ENTPD1: variants seen among roughly 807,000 people sequenced by gnomAD.
The protein encoded by ENTPD1 is ectonucleoside triphosphate diphosphohydrolase 1.
A neutral mutation model predicts 57.0 loss-of-function variants in ENTPD1; 33 were observed. That is an observed-to-expected ratio of 0.58 (90% CI 0.44 to 0.77). ENTPD1 has a LOEUF of 0.77. ENTPD1 is among the 30% of genes least tolerant of loss of function. The pLI is 0.00. For missense variants in ENTPD1, 501 were observed against 603.4 expected, an observed-to-expected ratio of 0.83 and a Z score of 1.78; for synonymous variants, 202 against 218.8, an observed-to-expected ratio of 0.92 and a Z score of 0.68.
In ENTPD1 at chr10:95,872,632, A is replaced by G. The variant is rs1204891016; in HGVS notation, c.*6249A>G. ...TGGGTGAAGCTTCCTGGTGAAAAAT[A>G]TGTTACCTATTTCTTTCTGAAAAGT... On this transcript the variant is annotated 3_prime_UTR_variant, in exon 10 of 10. Transcript: ENST00000371205. 5.1e-6 allele frequency: 5 copies of G among 985,026 alleles called. No individual in the cohort carries two copies. Among genetic ancestry groups the G allele is most frequent in the African/African-American group, 1.8e-5 (1 of 57,116 alleles). The allele number at this position is 985,026 out of a possible 1,614,324, so 61.0% of individuals were successfully genotyped here. A position where few individuals can be genotyped will look rare whatever the true frequency, so the allele number is the denominator to read the frequency against.
chr10:95,859,397 A>G (rs1033564382), intron 7 of ENTPD1, among the ~76,000 whole-genome samples: 1 of 152,208 alleles, frequency 6.6e-6, no homozygotes, highest in Non-Finnish European at 1.5e-5. Context: ...ACTTCTAGTT[A>G]AGTAATTTTA....
At position 95,876,455 on chromosome 10, in the gene ENTPD1, A is replaced by C. The variant is rs185010431; in HGVS notation, c.*10072A>C. ...CAATCTATAGGCATACCATAATTGT[A>C]ATCAATAGCTTAAAAATATGTCTCT... On this transcript the variant is annotated 3_prime_UTR_variant, in exon 10 of 10. Coordinates refer to ENST00000371205, the MANE Select transcript of ENTPD1 (RefSeq NM_001776.6). 8.1e-7 allele frequency: 1 copy of C among 1,231,430 alleles called. No homozygotes were observed. Among genetic ancestry groups the C allele is most frequent in the African/African-American group, 1.5e-5 (1 of 64,522 alleles). The allele number at this position is 1,231,430 out of a possible 1,614,324, so 76.3% of individuals were successfully genotyped here. A position where few individuals can be genotyped will look rare whatever the true frequency, so the allele number is the denominator to read the frequency against.
chr10:95,696,594 G>T, the ENTPD1 span, among the ~76,000 whole-genome samples: 5 of 152,242 alleles, frequency 3.3e-5, no homozygotes, highest in East Asian at 9.7e-4. Flanking sequence ...TTGCTGTTTT[G>T]TATTTGTAAG....
chr10:95,766,052 G>T (rs976008264), intron 1 of ENTPD1, among the ~76,000 whole-genome samples: 1 of 151,932 alleles, frequency 6.6e-6, no homozygotes, highest in Non-Finnish European at 1.5e-5. Context: ...CAAAATTACA[G>T]AAAAGTTACA....
chr10:95,780,751 G>A (rs1485445222), intron 1 of ENTPD1, among the ~76,000 whole-genome samples: 1 of 152,188 alleles, frequency 6.6e-6, no homozygotes, highest in African/African-American at 2.4e-5. Flanking sequence ...TCCAGCTGTA[G>A]GGGCATCAGG....
chr10:95,696,681 A>G, the ENTPD1 span, among the ~76,000 whole-genome samples: 4 of 152,252 alleles, frequency 2.6e-5, no homozygotes, highest in Non-Finnish European at 5.9e-5. Context: ...TGGATGAAGA[A>G]TGAAATTTAT....
chr10:95,755,642 G>T, upstream of ENTPD1: 1 of 1,520,686 alleles, frequency 6.6e-7, no homozygotes, highest in Non-Finnish European at 8.8e-7. Flanking sequence ...GAAACTCATC[G>T]CTTGGGTCAC....
chr10:95,810,653 C>T (rs952647976), intron 1 of ENTPD1, among the ~76,000 whole-genome samples: 2 of 152,206 alleles, frequency 1.3e-5, no homozygotes, highest in Admixed American at 6.5e-5. Flanking sequence ...CAGTAGGACA[C>T]GACTTTCTGA....
intron 1 of ENTPD1, among the ~76,000 whole-genome samples, chr10:95,790,184 T>C (rs563589387): frequency 4.4e-4 from 67 of 152,364 alleles, no homozygotes; most frequent in Admixed American, 1.8e-3. Flanking sequence ...ATTCATCTCA[T>C]AGATGGGGAT....
chr10:95,701,000 G>A, the ENTPD1 span, among the ~76,000 whole-genome samples: 2 of 152,096 alleles, frequency 1.3e-5, no homozygotes, highest in African/African-American at 2.4e-5. Context: ...TGCCATGTTG[G>A]CCAGGCTGGT....
intron 1 of ENTPD1, among the ~76,000 whole-genome samples, chr10:95,783,037 G>T (rs1037121879): frequency 1.3e-5 from 2 of 151,806 alleles, no homozygotes; most frequent in East Asian, 1.9e-4. Context: ...GTGTGTGTTT[G>T]TGTGTGTGTG....
At chr10:95,738,946 C>A (rs796919619) in intron 1 of ENTPD1, among the ~76,000 whole-genome samples, 1 of 152,062 alleles carries the variant, frequency 6.6e-6, no homozygotes, top group Non-Finnish European at 1.5e-5. Flanking sequence ...CAGTTCCAGA[C>A]CACCACAATA....
At chr10:95,800,468 G>T (rs2098244531) in intron 1 of ENTPD1, among the ~76,000 whole-genome samples, 1 of 152,146 alleles carries the variant, frequency 6.6e-6, no homozygotes, top group East Asian at 1.9e-4. Flanking sequence ...ACAGGAAACA[G>T]GGTTTGAGAG....
chr10:95,863,176 AC>A (rs2098468233), intron 8 of ENTPD1, among the ~76,000 whole-genome samples: 1 of 152,218 alleles, frequency 6.6e-6, no homozygotes, highest in African/African-American at 2.4e-5. Flanking sequence ...TAGCCAATGT[AC>A]AGATTTCCAG....
intron 1 of ENTPD1, among the ~76,000 whole-genome samples, chr10:95,799,306 C>T (rs1046265462): frequency 6.6e-5 from 10 of 152,186 alleles, no homozygotes; most frequent in African/African-American, 2.2e-4. Flanking sequence ...ACCTTCCACC[C>T]TCCAATAGGC....
upstream of ENTPD1, among the ~76,000 whole-genome samples, chr10:95,751,804 G>C (rs144221281): frequency 6.6e-6 from 1 of 151,998 alleles, no homozygotes; most frequent in Non-Finnish European, 1.5e-5. Flanking sequence ...TGCTAAGTTT[G>C]AGCTGCTTGT....
At chr10:95,784,595 A>G (rs970877660) in intron 1 of ENTPD1, among the ~76,000 whole-genome samples, 2 of 152,192 alleles carry the variant, frequency 1.3e-5, no homozygotes, top group Non-Finnish European at 2.9e-5. Context: ...GGCTTTCTGC[A>G]TGCCCACTGC....
Position 95,867,754 on chromosome 10 carries a change from C to A in ENTPD1, c.*1371C>A. On this transcript the variant is annotated 3_prime_UTR_variant, in exon 10 of 10. Transcript: ENST00000371205. ...TGTTTCATTCTGACCTTGTCCCAAG[C>A]TCTCCATCTCTAGATCTGGGGACTG... The A allele has an allele frequency of 1.0e-6, 1 of 985,454 alleles. No homozygotes were observed. Among genetic ancestry groups the A allele is most frequent in the Non-Finnish European group, 1.2e-6 (1 of 829,938 alleles). 61.0% of individuals were successfully genotyped at this position (985,454 alleles called of 1,614,324 possible).
At position 95,865,232 on chromosome 10, in the gene ENTPD1, A is replaced by G. The variant is rs535345455; in HGVS notation, c.1326+371A>G. Among the ~76,000 whole-genome samples the G allele has an allele frequency of 7.9e-5, 12 of 152,350 alleles. No individual in the cohort carries two copies. In the South Asian group the frequency reaches 2.5e-3, roughly 32 times the overall value. ...GGCCCCTTCCATAAGCTGGGAAAGT[A>G]TGATCATGGTTTCATCATCCTTGTT... On this transcript the variant is annotated intron_variant, in intron 9 of 9. Transcript: ENST00000371205.
Sources: allele counts gnomAD v4.1 joint callset (sites outside exome capture counted in the v4.1 genomes callset), GRCh38; gene constraint gnomAD v4.1.1; transcripts MANE v1.5; gene names NCBI Gene and HGNC (gene_info 2026-07-23, HGNC 2026-07-21).